IGFL2: variants seen among roughly 807,000 people sequenced by gnomAD.
IGFL2 encodes insulin growth factor-like family member 2.
IGFL2 carries 7 observed loss-of-function variants against 13.9 expected under a neutral mutation model. The ratio of observed to expected loss-of-function variants is 0.51; its 90% CI spans 0.29 to 0.95. The LOEUF is 0.95. Ranked by LOEUF, IGFL2 falls within the 40% of genes least tolerant of loss-of-function variation. The pLI, the probability that IGFL2 is intolerant of heterozygous loss-of-function variation, is 0.08. For synonymous variants in IGFL2, 55 were observed against 55.8 expected (o/e 0.99, Z 0.07); for missense variants, 138 against 147.8 (o/e 0.93, Z 0.34).
the IGFL2 span, among the ~76,000 whole-genome samples, chr19:46,185,519 G>A: frequency 6.6e-6 from 1 of 152,206 alleles, no homozygotes; most frequent in Non-Finnish European, 1.5e-5. Flanking sequence ...TAAAGGTGGG[G>A]GCTCTAGAGT....
chr19:46,161,317 T>C (rs1032097214), downstream of IGFL2: 165 of 394,574 alleles, frequency 4.2e-4, no homozygotes, highest in Middle Eastern at 1.6e-3. Flanking sequence ...TCGTCTCCTT[T>C]CTTTTTTTTT....
the IGFL2 span, among the ~76,000 whole-genome samples, chr19:46,117,756 G>T: frequency 6.6e-6 from 1 of 152,172 alleles, no homozygotes; most frequent in Non-Finnish European, 1.5e-5. Flanking sequence ...TGGGATTACA[G>T]GTGTGAGCCA....
downstream of IGFL2, among the ~76,000 whole-genome samples, chr19:46,163,357 C>T (rs905384318): frequency 6.6e-6 from 1 of 152,164 alleles, no homozygotes; most frequent in Non-Finnish European, 1.5e-5. Flanking sequence ...GGGTTGTTTG[C>T]TTGTCTCCTG....
chr19:46,130,043 C>T, the IGFL2 span, among the ~76,000 whole-genome samples: 1 of 151,920 alleles, frequency 6.6e-6, no homozygotes, highest in African/African-American at 2.4e-5. Flanking sequence ...TCTGGGTGCT[C>T]TTGTGTTGGG....
chr19:46,102,830 G>C, the IGFL2 span, among the ~76,000 whole-genome samples: 1 of 152,128 alleles, frequency 6.6e-6, no homozygotes, highest in Admixed American at 6.5e-5. Flanking sequence ...ATATTTTTGG[G>C]GGTGGTATGG....
chr19:46,088,602 A>G, the IGFL2 span, among the ~76,000 whole-genome samples: 1 of 152,360 alleles, frequency 6.6e-6, no homozygotes, highest in Non-Finnish European at 1.5e-5. Flanking sequence ...GATTTATTGA[A>G]CACTTTCTAT....
chr19:46,089,559 T>C, the IGFL2 span, among the ~76,000 whole-genome samples: 39 of 152,168 alleles, frequency 2.6e-4, no homozygotes, highest in African/African-American at 9.2e-4. Flanking sequence ...CTGGTGGAGG[T>C]AAACTCCCCC....
the IGFL2 span, among the ~76,000 whole-genome samples, chr19:46,120,836 G>A: frequency 2.5e-4 from 37 of 150,822 alleles, no homozygotes; most frequent in Admixed American, 4.0e-4. Context: ...AGAAAAATGA[G>A]AAATATTGAA....
the IGFL2 span, among the ~76,000 whole-genome samples, chr19:46,203,841 C>T: frequency 6.9e-4 from 105 of 152,240 alleles, no homozygotes; most frequent in African/African-American, 2.3e-3. Context: ...CTCAGCCTCC[C>T]GAGTAGCTGG....
chr19:46,096,878 T>C, the IGFL2 span, among the ~76,000 whole-genome samples: 2,021 of 152,288 alleles, frequency 0.013, 31 homozygotes, highest in Middle Eastern at 0.027. Flanking sequence ...CCAGCTTGAT[T>C]GTGGTGGATA....
At chr19:46,126,423 TCTTTG>T in the IGFL2 span, among the ~76,000 whole-genome samples, 1 of 152,232 alleles carries the variant, frequency 6.6e-6, no homozygotes, top group Non-Finnish European at 1.5e-5. Flanking sequence ...GCCCCTTCTT[TCTTTG>T]AATTTTCTTT....
At chr19:46,174,731 C>T in the IGFL2 span, among the ~76,000 whole-genome samples, 2 of 152,200 alleles carry the variant, frequency 1.3e-5, no homozygotes. Flanking sequence ...GCAGCCCAGT[C>T]TCTCAGACCC....
chr19:46,116,532 T>G, the IGFL2 span, among the ~76,000 whole-genome samples: 1 of 152,248 alleles, frequency 6.6e-6, no homozygotes, highest in African/African-American at 2.4e-5. Context: ...ATTAGTATTA[T>G]TCTAATTAGA....
At chr19:46,115,519 C>G in the IGFL2 span, among the ~76,000 whole-genome samples, 1 of 152,034 alleles carries the variant, frequency 6.6e-6, no homozygotes, top group Non-Finnish European at 1.5e-5. Context: ...GGAGCTGTGG[C>G]CAGTGTGTTC....
At chr19:46,165,888 T>C (rs776085337), downstream of IGFL2, among the ~76,000 whole-genome samples, 1 of 152,238 alleles carries the variant, frequency 6.6e-6, no homozygotes, top group Non-Finnish European at 1.5e-5. Context: ...ACCATGTGGC[T>C]ACTACAGTGG....
At chr19:46,137,389 C>T in the IGFL2 span, 1 of 1,075,394 alleles carries the variant, frequency 9.3e-7, no homozygotes, top group Non-Finnish European at 1.4e-6. Flanking sequence ...GATATGTTTG[C>T]TGGGACAACA....
At chr19:46,166,910 T>C in the IGFL2 span, among the ~76,000 whole-genome samples, 1 of 152,230 alleles carries the variant, frequency 6.6e-6, no homozygotes, top group Non-Finnish European at 1.5e-5. Context: ...CATTTCATAT[T>C]GCTCAAACAC....
chr19:46,091,067 A>G, the IGFL2 span, among the ~76,000 whole-genome samples: 3 of 152,310 alleles, frequency 2.0e-5, no homozygotes, highest in Admixed American at 6.5e-5. Flanking sequence ...TTATTATGCT[A>G]TAACTAGGTA....
chr19:46,094,564 A>G, the IGFL2 span, among the ~76,000 whole-genome samples: 1 of 150,866 alleles, frequency 6.6e-6, no homozygotes, highest in Non-Finnish European at 1.5e-5. Flanking sequence ...CATGTTCAGG[A>G]CATGCAGGTT....
Sources: gnomAD v4.1 joint callset for allele counts (sites outside exome capture counted in the v4.1 genomes callset) on GRCh38, gnomAD v4.1.1 for gene constraint, MANE v1.5 for transcripts, NCBI Gene and HGNC (gene_info 2026-07-23, HGNC 2026-07-21) for gene names.